Variants in ZFAND3 observed in about 807,000 individuals in gnomAD.
The protein encoded by ZFAND3 is zinc finger AN1-type containing 3.
ZFAND3 carries 10 observed loss-of-function variants against 29.6 expected under a neutral mutation model. The ratio of observed to expected loss-of-function variants is 0.34; its 90% CI spans 0.21 to 0.57. The LOEUF (loss-of-function observed/expected upper bound fraction) is 0.57, where lower values mean the gene tolerates loss of function less well. Among genes scored for constraint, ZFAND3 ranks in the 20% least tolerant of loss-of-function variants. The probability of loss-of-function intolerance (pLI) is 0.86; values close to 1 mark genes in which losing one functional copy is unlikely to be tolerated. For missense variants in ZFAND3, 230 were observed against 304.5 expected (o/e 0.76, Z 1.82); for synonymous variants, 128 against 112.6 (o/e 1.14, Z -0.87).
intron 5 of ZFAND3, among the ~76,000 whole-genome samples, chr6:38,144,155 C>G (rs1766018944): frequency 8.6e-6 from 1 of 115,706 alleles, no homozygotes; most frequent in Non-Finnish European, 1.7e-5. Flanking sequence ...CAATTATTAC[C>G]TTGCTAGAAA....
chr6:37,891,532 G>A (rs1456400994), intron 1 of ZFAND3, among the ~76,000 whole-genome samples: 1 of 150,564 alleles, frequency 6.6e-6, no homozygotes, highest in Non-Finnish European at 1.5e-5. Context: ...CTGGGAGATG[G>A]AGGTTGCAGT....
In ZFAND3 at chr6:38,005,765, G is replaced by A. The variant is rs1008154643; in HGVS notation, c.113-55828G>A. The stretch of plus-strand genomic sequence containing the variant: ...CTAGAACAGTTTTTAAAACAGTATT[G>A]AAAACATTACTATGTTTTTATACTT... On this transcript the variant is annotated intron_variant, in intron 2 of 5. Transcript: ENST00000287218. Among the ~76,000 whole-genome samples the A allele has an allele frequency of 5.3e-5, 8 of 152,222 alleles. No homozygotes were observed. In the South Asian group the frequency reaches 1.7e-3, roughly 32 times the overall value.
chr6:38,011,463 A>C (rs1238886726), intron 2 of ZFAND3, among the ~76,000 whole-genome samples: 1 of 152,120 alleles, frequency 6.6e-6, no homozygotes, highest in South Asian at 2.1e-4. Flanking sequence ...ATCCTTGCCA[A>C]CACCTGGTGT....
intron 2 of ZFAND3, among the ~76,000 whole-genome samples, chr6:38,043,017 A>G (rs1472662752): frequency 6.6e-6 from 1 of 152,124 alleles, no homozygotes; most frequent in Non-Finnish European, 1.5e-5. Context: ...TTGGTATTAT[A>G]ATCTTTTTGA....
intron 2 of ZFAND3, among the ~76,000 whole-genome samples, chr6:37,930,546 T>G (rs1030941332): frequency 5.9e-5 from 9 of 152,040 alleles, no homozygotes; most frequent in Non-Finnish European, 8.8e-5. Flanking sequence ...ACAAAAAGCC[T>G]CCTGCAGATC....
chr6:38,110,678 A>G (rs1765297494), intron 4 of ZFAND3, among the ~76,000 whole-genome samples: 1 of 152,258 alleles, frequency 6.6e-6, no homozygotes, highest in South Asian at 2.1e-4. Context: ...GAGTACCTCA[A>G]GAGCTGTCAT....
intron 2 of ZFAND3, among the ~76,000 whole-genome samples, chr6:37,945,531 T>C (rs112679163): frequency 1.3e-5 from 2 of 152,192 alleles, no homozygotes; most frequent in Non-Finnish European, 2.9e-5. Context: ...TGCACCACCA[T>C]GCCCAGCTAA....
intron 2 of ZFAND3, among the ~76,000 whole-genome samples, chr6:37,989,226 A>G (rs1262429620): frequency 6.6e-6 from 1 of 152,242 alleles, no homozygotes; most frequent in Non-Finnish European, 1.5e-5. Flanking sequence ...CATTTAAGGT[A>G]TACCAGGTAC....
At chr6:37,989,712 G>C (rs1326684908) in intron 2 of ZFAND3, among the ~76,000 whole-genome samples, 1 of 152,060 alleles carries the variant, frequency 6.6e-6, no homozygotes, top group Non-Finnish European at 1.5e-5. Flanking sequence ...GAAACTGGGA[G>C]TGTTCCAAGA....
chr6:37,949,121 A>G (rs1322942699), intron 2 of ZFAND3, among the ~76,000 whole-genome samples: 2 of 152,248 alleles, frequency 1.3e-5, no homozygotes, highest in East Asian at 3.9e-4. Context: ...CCTCACCAGC[A>G]TCTGCTGTTT....
At chr6:38,114,316 T>G (rs1024811631) in intron 4 of ZFAND3, among the ~76,000 whole-genome samples, 3 of 152,234 alleles carry the variant, frequency 2.0e-5, no homozygotes, top group African/African-American at 4.8e-5. Flanking sequence ...TGAATTTCTT[T>G]CAGCTGACTG....
intron 2 of ZFAND3, among the ~76,000 whole-genome samples, chr6:37,947,387 G>C (rs1162677176): frequency 6.6e-6 from 1 of 152,096 alleles, no homozygotes; most frequent in Non-Finnish European, 1.5e-5. Context: ...TTAAAAAGTT[G>C]TGGTGGCTTA....
chr6:37,835,744 C>CTT (rs36026260), intron 1 of ZFAND3, among the ~76,000 whole-genome samples: 24 of 151,726 alleles, frequency 1.6e-4, no homozygotes, highest in African/African-American at 2.7e-4. Context: ...TGCATTTGTT[C>CTT]TTTTTTTTAA....
At chr6:37,890,958 G>A (rs1347214638) in intron 1 of ZFAND3, among the ~76,000 whole-genome samples, 3 of 152,224 alleles carry the variant, frequency 2.0e-5, no homozygotes, top group African/African-American at 7.2e-5. Context: ...CGGAAGATGA[G>A]CAGAAACTGT....
chr6:38,043,568 T>G (rs1266104132), intron 2 of ZFAND3, among the ~76,000 whole-genome samples: 3 of 136,768 alleles, frequency 2.2e-5, no homozygotes, highest in South Asian at 2.7e-4. Flanking sequence ...CCTTCCCCTC[T>G]TCCCCCTTCC....
chr6:38,135,164 G>T (rs573610134), intron 5 of ZFAND3, among the ~76,000 whole-genome samples: 1 of 152,294 alleles, frequency 6.6e-6, no homozygotes, highest in East Asian at 1.9e-4. Flanking sequence ...ACAAGCCCTG[G>T]ATAAGTTGGG....
chr6:37,929,917 T>G, intron 1 of ZFAND3, 42 bp from the exon 2 acceptor site: 1 of 1,564,588 alleles, frequency 6.4e-7, no homozygotes. Context: ...TGATATGGAG[T>G]TTTTAGCTCT....
At chr6:38,073,231 C>T (rs1014890012) in intron 3 of ZFAND3, among the ~76,000 whole-genome samples, 6 of 151,828 alleles carry the variant, frequency 4.0e-5, no homozygotes, top group Non-Finnish European at 8.8e-5. Context: ...TTAGGAAGAA[C>T]ATGCACCAGT....
intron 4 of ZFAND3, among the ~76,000 whole-genome samples, chr6:38,093,113 A>G (rs192970315): frequency 6.6e-6 from 1 of 152,358 alleles, no homozygotes; most frequent in East Asian, 1.9e-4. Flanking sequence ...CATTGGGTTA[A>G]TGTAAATAGG....
Sources: allele counts gnomAD v4.1 joint callset (sites outside exome capture counted in the v4.1 genomes callset), GRCh38; gene constraint gnomAD v4.1.1; transcripts MANE v1.5; gene names NCBI Gene and HGNC (gene_info 2026-07-23, HGNC 2026-07-21).